MXRA8: variants seen among roughly 807,000 people sequenced by gnomAD.
MXRA8 encodes the protein matrix remodeling-associated protein 8.
MXRA8 carries 44 observed loss-of-function variants against 51.4 expected under a neutral mutation model. That is an observed-to-expected ratio of 0.86 (90% CI 0.67 to 1.10). The LOEUF is 1.10. Ranked by LOEUF, MXRA8 falls within the 50% of genes least tolerant of loss-of-function variation. The pLI, the probability that MXRA8 is intolerant of heterozygous loss-of-function variation, is 0.00. For missense variants in MXRA8, 765 were observed against 638.9 expected (o/e 1.20, Z -2.13); for synonymous variants, 369 against 293.5 (o/e 1.26, Z -2.63).
At chr1:1,358,581 C>G, upstream of MXRA8, 3 of 1,543,568 alleles carry the variant, frequency 1.9e-6, no homozygotes, top group Non-Finnish European at 1.7e-6. Flanking sequence ...CCCCCTCCCC[C>G]TCCTTAGCAC....
chr1:1,354,557 G>A, intron 5 of MXRA8, 48 bp from the exon 6 acceptor site: 1 of 1,589,060 alleles, frequency 6.3e-7, no homozygotes, highest in African/African-American at 1.3e-5. Flanking sequence ...AGCAAGACCT[G>A]CGCCCCGACC....
intron 2 of MXRA8, 103 bp downstream of exon 2, chr1:1,356,578 G>C: frequency 1.3e-6 from 1 of 772,890 alleles, no homozygotes; most frequent in Non-Finnish European, 1.8e-6. Flanking sequence ...GGGGGAATCA[G>C]TGGGGGAGGG....
intron 1 of MXRA8, among the ~76,000 whole-genome samples, chr1:1,357,818 T>A (rs1406898151): frequency 6.6e-6 from 1 of 152,038 alleles, no homozygotes; most frequent in Non-Finnish European, 1.5e-5. Context: ...CCAAAAAAAT[T>A]CCCTGAGGGA....
Position 1,355,140 on chromosome 1 carries a change from G to T in MXRA8, c.491C>A (p.Pro164His). Residue 164 changes from proline to histidine, a missense_variant, in exon 5 of 10, where the codon CCC becomes CAC. Coordinates refer to ENST00000309212, the MANE Select transcript of MXRA8 (RefSeq NM_032348.4). ...LEVTDGPPAT[P>H]AYWDGEKEVL... ...CTCCTTCTCGCCGTCCCAGTAGGCGGGGGTGGCCGGGGCTGCGGAGGGGGC... is the reference window on the plus strand; with the variant it reads ...CTCCTTCTCGCCGTCCCAGTAGGCGTGGGTGGCCGGGGCTGCGGAGGGGGC... 7.0e-7 allele frequency: 1 copy of T among 1,432,418 alleles called. No individual in the cohort carries two copies. Among genetic ancestry groups the T allele is most frequent in the African/African-American group, 1.5e-5 (1 of 66,728 alleles). 88.7% of individuals were successfully genotyped at this position (1,432,418 alleles called of 1,614,324 possible). A position where few individuals can be genotyped will look rare whatever the true frequency, so the allele number is the denominator to read the frequency against.
chr1:1,356,323 G>A (rs1240393083), intron 2 of MXRA8, among the ~76,000 whole-genome samples: 1 of 113,868 alleles, frequency 8.8e-6, no homozygotes, highest in East Asian at 3.0e-4. Context: ...GGAGTGGTGG[G>A]CCCCGAGGGC....
chr1:1,359,385 A>T, upstream of MXRA8: 3 of 985,444 alleles, frequency 3.0e-6, no homozygotes, highest in Non-Finnish European at 3.6e-6. Flanking sequence ...TCACATAAAC[A>T]AATGCGAAAT....
In MXRA8 at chr1:1,353,380, G is replaced by A; in HGVS notation, c.*224C>T. ...TGGGATTTTGGTTGTGCCAGGGGTGGGCAGGGCCACCCGTGAGCAAAGGCC... is the reference window on the plus strand; with the variant it reads ...TGGGATTTTGGTTGTGCCAGGGGTGAGCAGGGCCACCCGTGAGCAAAGGCC... On this transcript the variant is annotated 3_prime_UTR_variant, in exon 10 of 10. Coordinates refer to ENST00000309212, the MANE Select transcript of MXRA8 (RefSeq NM_032348.4). 1 of 1,543,876 alleles carries A rather than the reference G, an allele frequency of 6.5e-7. No individual in the cohort carries two copies.
intron 9 of MXRA8, 47 bp from the exon 10 acceptor site, chr1:1,353,676 A>C: frequency 6.5e-7 from 1 of 1,537,438 alleles, no homozygotes; most frequent in Non-Finnish European, 8.8e-7. Flanking sequence ...CTCCACCCTC[A>C]TCACAGTGGG....
In MXRA8 at chr1:1,356,708, G is replaced by A; in HGVS notation, c.50-4C>T. On this transcript the variant is annotated splice_polypyrimidine_tract_variant and splice_region_variant and intron_variant, in intron 1 of 9. Coordinates refer to ENST00000309212, the MANE Select transcript of MXRA8 (RefSeq NM_032348.4). ...GAGTGCAGGAGAACAGCAGAGCCTG[G>A]AAGGAGAGGAGTGAGCTGGAGAGGC... 1.4e-6 allele frequency: 2 copies of A among 1,431,262 alleles called. No homozygotes were observed. The highest frequency in any genetic ancestry group is 1.8e-6 in the Non-Finnish European group (2 of 1,082,172). 88.7% of individuals were successfully genotyped at this position (1,431,262 alleles called of 1,614,324 possible).
At chr1:1,354,537 G>A (rs776014335) in intron 5 of MXRA8, 28 bp from the exon 6 acceptor site, 2 of 1,606,746 alleles carry the variant, frequency 1.2e-6, no homozygotes, top group Non-Finnish European at 1.7e-6. Context: ...TCGGGGCGGC[G>A]TCAGGTACCA....
At position 1,353,431 on chromosome 1, in the gene MXRA8, C is replaced by G. The variant is rs1644042638; in HGVS notation, c.*173G>C. On this transcript the variant is annotated 3_prime_UTR_variant, in exon 10 of 10. Coordinates refer to ENST00000309212, the MANE Select transcript of MXRA8 (RefSeq NM_032348.4). ...GCAGGGGTGGGGGCTATGCTGCCAC[C>G]AAGCCCCTGGGAGAGGGGTGTGGAG... is the stretch of plus-strand genomic sequence containing the variant. 2.0e-6 allele frequency: 3 copies of G among 1,512,930 alleles called. No individual in the cohort carries two copies. The highest frequency in any genetic ancestry group is 2.5e-5 in the East Asian group (1 of 40,340). 93.7% of individuals were successfully genotyped at this position (1,512,930 alleles called of 1,614,324 possible).
At chr1:1,359,029 C>T (rs1644186154), upstream of MXRA8, 2 of 985,360 alleles carry the variant, frequency 2.0e-6, no homozygotes, top group Non-Finnish European at 2.4e-6. Flanking sequence ...GACCAGATGG[C>T]CCTTCCAGCT....
upstream of MXRA8, among the ~76,000 whole-genome samples, chr1:1,363,078 TC>T (rs1307705980): frequency 7.2e-6 from 1 of 138,362 alleles, no homozygotes; most frequent in African/African-American, 3.3e-5. Context: ...CGAGACTCCG[TC>T]TCAAAAAAAA....
In MXRA8 at chr1:1,358,064, C is replaced by T. The variant is rs142322509; in HGVS notation, c.49+392G>A. Among the ~76,000 whole-genome samples the T allele has an allele frequency of 1.3e-3, 193 of 152,296 alleles. 2 individuals carry two copies. The highest frequency in any genetic ancestry group is 4.3e-3 in the African/African-American group (179 of 41,570). On this transcript the variant is annotated intron_variant, in intron 1 of 9. Coordinates refer to ENST00000309212, the MANE Select transcript of MXRA8 (RefSeq NM_032348.4). ...TGGGAGCTTCCCAGAGGAATGTGCC[C>T]GGTCAGCAGCCAGCCCAGGCCTGGG...
intron 5 of MXRA8, 86 bp from the exon 6 acceptor site, chr1:1,354,595 G>C: frequency 1.3e-6 from 2 of 1,555,308 alleles, no homozygotes; most frequent in Non-Finnish European, 1.7e-6. Flanking sequence ...TGGGATCCGC[G>C]GGCCTCGGGC....
upstream of MXRA8, chr1:1,358,896 T>G: frequency 9.9e-7 from 1 of 1,014,734 alleles, no homozygotes; most frequent in Non-Finnish European, 1.2e-6. Context: ...GCCCCACCTC[T>G]GGCCTCCCCC....
upstream of MXRA8, among the ~76,000 whole-genome samples, chr1:1,361,055 G>C (rs555145993): frequency 6.7e-6 from 1 of 149,854 alleles, no homozygotes; most frequent in East Asian, 2.2e-4. Flanking sequence ...CGGAGACACA[G>C]ATACATGGAA....
At chr1:1,358,740 G>A (rs1400920880), upstream of MXRA8, 1 of 1,349,348 alleles carries the variant, frequency 7.4e-7, no homozygotes, top group Admixed American at 3.6e-5. Context: ...CACCGGTCAG[G>A]CCTGGGGAGG....
chr1:1,355,634 G>A lies in MXRA8; in HGVS notation c.192C>T (p.Asp64=). The change falls in exon 3 of 10, where the codon GAC becomes GAT. Residue 64 remains aspartate (D), a synonymous_variant. Coordinates refer to ENST00000309212, the MANE Select transcript of MXRA8 (RefSeq NM_032348.4). ...GCACGCGCTGGCGGTCGTGCAGCCG[G>A]TCCTGGGTCCACACCATGCGCGGGC... ...CQSPRMVWTQ[D]RLHDRQRVLH... 1 of 1,463,610 alleles carries A rather than the reference G, an allele frequency of 6.8e-7. No homozygotes were observed. The highest frequency in any genetic ancestry group is 9.0e-7 in the Non-Finnish European group (1 of 1,114,190). 90.7% of individuals were successfully genotyped at this position (1,463,610 alleles called of 1,614,324 possible).
Sources: gnomAD v4.1 joint callset for allele counts (sites outside exome capture counted in the v4.1 genomes callset) on GRCh38, gnomAD v4.1.1 for gene constraint, MANE v1.5 for transcripts, NCBI Gene and HGNC (gene_info 2026-07-23, HGNC 2026-07-21) for gene names.